Variants in CACNA1B observed in about 807,000 individuals in gnomAD.
CACNA1B encodes voltage-dependent N-type calcium channel subunit alpha-1B.
A neutral mutation model predicts 247.2 loss-of-function variants in CACNA1B; 70 were observed. The ratio of observed to expected loss-of-function variants is 0.28; its 90% confidence interval spans 0.23 to 0.35. The LOEUF is 0.35. CACNA1B is among the 10% of genes least tolerant of loss of function. CACNA1B has a pLI of 1.00. For missense variants in CACNA1B, 2,367 were observed against 3,197.4 expected, an observed-to-expected ratio of 0.74 and a Z score of 6.26; for synonymous variants, 1,231 against 1,294.4, an observed-to-expected ratio of 0.95 and a Z score of 1.05.
chr9:138,045,676 C>G (rs11137351), intron 21 of CACNA1B, among the ~76,000 whole-genome samples: 35,380 of 151,980 alleles, frequency 0.23, 4,334 homozygotes, highest in East Asian at 0.47. Context: ...GAGCTGGGGG[C>G]TAGAGCTGAG....
intron 3 of CACNA1B, among the ~76,000 whole-genome samples, chr9:137,911,941 C>T (rs1207127381): frequency 3.9e-5 from 6 of 152,030 alleles, no homozygotes; most frequent in African/African-American, 1.4e-4. Context: ...CTGGTGCGAT[C>T]CGCTGAGGGG....
At chr9:137,956,519 A>T (rs1957950121) in intron 8 of CACNA1B, among the ~76,000 whole-genome samples, 1 of 152,114 alleles carries the variant, frequency 6.6e-6, no homozygotes, top group Admixed American at 6.6e-5. Flanking sequence ...TTAGCCGGGC[A>T]TGGTAGCACG....
In CACNA1B at chr9:137,956,787, C is replaced by A. The variant is rs750745731; in HGVS notation, c.1203C>A (p.Ala401=). The change falls in exon 9 of 47, where the codon GCC becomes GCA. Residue 401 remains alanine (A), a synonymous_variant. Transcript: ENST00000371372. ...CCCTCGCAGAGGAAGTCATGCTGGC[C>A]GAGGAGGACAGGAATGCAGAGGAGA... is the stretch of plus-strand genomic sequence containing the variant. The part of the protein sequence containing the change: ...WIFKAEEVML[A]EEDRNAEEKS... 1.2e-6 allele frequency: 2 copies of A among 1,613,614 alleles called. No homozygotes were observed. Among genetic ancestry groups the A allele is most frequent in the Non-Finnish European group, 1.7e-6 (2 of 1,179,768 alleles).
chr9:137,923,717 A>G (rs1281165095), intron 6 of CACNA1B, among the ~76,000 whole-genome samples: 3 of 152,184 alleles, frequency 2.0e-5, no homozygotes, highest in African/African-American at 7.2e-5. Context: ...TTTTTTAAGA[A>G]ACCAAAGCTT....
chr9:137,928,183 C>T (rs907586519), intron 6 of CACNA1B, among the ~76,000 whole-genome samples: 16 of 152,098 alleles, frequency 1.1e-4, no homozygotes, highest in African/African-American at 2.7e-4. Context: ...CTGCAATCTC[C>T]GCCTCCAAGG....
At chr9:137,889,981 G>C (rs572913472) in intron 3 of CACNA1B, 1 of 149,388 alleles carries the variant, frequency 6.7e-6, no homozygotes, top group East Asian at 1.9e-4. Flanking sequence ...TCTGTGCGGG[G>C]TGAGGGTCCA....
rs1957382810 is a variant in CACNA1B, at chr9:137,913,797, T to C, written c.622+526T>C. ...CAGTGACCACCTGGACCCCTATTCC[T>C]TCAGCCCAGTGGAAGTCTGGTTTTA... On this transcript the variant is annotated intron_variant, in intron 4 of 46. Transcript: ENST00000371372. This position sits in a 1 kb window ranked among gnomAD's most constrained non-coding sequence, Gnocchi z 5.2. Among the ~76,000 whole-genome samples, 1 of 152,164 alleles carries C rather than the reference T, an allele frequency of 6.6e-6. No homozygotes were observed. Among genetic ancestry groups the C allele is most frequent in the South Asian group, 2.1e-4 (1 of 4,824 alleles).
intron 15 of CACNA1B, among the ~76,000 whole-genome samples, chr9:138,000,478 A>T (rs1053278647): frequency 2.0e-5 from 3 of 152,214 alleles, no homozygotes; most frequent in African/African-American, 7.2e-5. Context: ...ACATTTCATA[A>T]TTATAAAAGA....
chr9:137,948,440 G>C (rs763770876), intron 6 of CACNA1B, among the ~76,000 whole-genome samples: 14 of 151,968 alleles, frequency 9.2e-5, no homozygotes, highest in Non-Finnish European at 1.8e-4. Flanking sequence ...TTTTCTTACT[G>C]TTCACTGATT....
At chr9:137,901,280 G>A (rs1205239162) in intron 3 of CACNA1B, among the ~76,000 whole-genome samples, 1 of 150,856 alleles carries the variant, frequency 6.6e-6, no homozygotes, top group Non-Finnish European at 1.5e-5. Context: ...CTCTGTGTCT[G>A]TGTGTCCGTG....
chr9:138,078,878 A>G (rs1399818341), intron 36 of CACNA1B, among the ~76,000 whole-genome samples: 1 of 152,102 alleles, frequency 6.6e-6, no homozygotes. Flanking sequence ...CGAAGAGGAA[A>G]AAGCAGGCTG....
At position 137,971,379 on chromosome 9, in the gene CACNA1B, T is replaced by C. The variant is rs1412487557; in HGVS notation, c.1334-4T>C. The C allele has an allele frequency of 4.4e-6, 7 of 1,605,624 alleles. No homozygotes were observed. Among genetic ancestry groups the C allele is most frequent in the Non-Finnish European group, 6.0e-6 (7 of 1,175,960 alleles). On this transcript the variant is annotated splice_region_variant and splice_polypyrimidine_tract_variant and intron_variant, in intron 10 of 46. Coordinates refer to ENST00000371372, the MANE Select transcript of CACNA1B (RefSeq NM_000718.4). This position sits in a 1 kb window ranked among gnomAD's most constrained non-coding sequence, Gnocchi z 4.4. ...ACATCCTCAGTAACTCCCCATCCCC[T>C]CAGGATCCCCCTTCGCCCGCGCCAG...
At chr9:137,961,614 A>G (rs1958022007) in intron 10 of CACNA1B, among the ~76,000 whole-genome samples, 1 of 152,220 alleles carries the variant, frequency 6.6e-6, no homozygotes, top group Non-Finnish European at 1.5e-5. Flanking sequence ...TTCTGCATCT[A>G]TTGAGATAAT....
intron 10 of CACNA1B, among the ~76,000 whole-genome samples, chr9:137,968,644 C>T (rs550708485): frequency 6.0e-4 from 92 of 152,362 alleles, no homozygotes; most frequent in Admixed American, 1.7e-3. Flanking sequence ...TTATTGAGAA[C>T]AGGGATGGAT....
At chr9:137,892,773 G>A (rs141969678) in intron 3 of CACNA1B, among the ~76,000 whole-genome samples, 137 of 152,356 alleles carry the variant, frequency 9.0e-4, no homozygotes, top group African/African-American at 3.1e-3. Flanking sequence ...GGAGTACAGC[G>A]TGTGGGGAGG....
chr9:138,108,574 G>C (rs1415264830), intron 39 of CACNA1B, among the ~76,000 whole-genome samples: 3 of 151,978 alleles, frequency 2.0e-5, no homozygotes, highest in Admixed American at 1.3e-4. Flanking sequence ...GACATGACCA[G>C]AAAAGAAAAC....
rs116779797 is a variant in CACNA1B at position 137,979,920 on chromosome 9, A to C, written c.1656+3901A>C. Among the ~76,000 whole-genome samples, 115 of 152,342 alleles carry C rather than the reference A, an allele frequency of 7.5e-4. 1 individual carries two copies. Among genetic ancestry groups the C allele is most frequent in the African/African-American group, 2.7e-3 (113 of 41,582 alleles). On this transcript the variant is annotated intron_variant, in intron 12 of 46. Transcript: ENST00000371372. Reference sequence around the variant, plus strand: ...CCTGCTCAGCAAGGGGACACCAGGAAGCTGAGCCACTGGTCCATAGGGATT... The same window carrying C: ...CCTGCTCAGCAAGGGGACACCAGGACGCTGAGCCACTGGTCCATAGGGATT...
Position 138,057,598 on chromosome 9 carries a change from G to A in CACNA1B, c.3969-134G>A, listed in dbSNP as rs1564263918. Reference sequence around the variant, plus strand: ...GGTCACATTCATTCTTCTGCATGTGGACATCCAGTTTTCCCAGCACAGTCT... The same window carrying A: ...GGTCACATTCATTCTTCTGCATGTGAACATCCAGTTTTCCCAGCACAGTCT... On this transcript the variant is annotated intron_variant, in intron 26 of 46. Transcript: ENST00000371372. This position sits in a 1 kb window ranked among gnomAD's most constrained non-coding sequence, Gnocchi z 4.0. The A allele has an allele frequency of 4.0e-6, 3 of 750,780 alleles. No individual in the cohort carries two copies. Among genetic ancestry groups the A allele is most frequent in the African/African-American group, 1.8e-5 (1 of 56,678 alleles). 46.5% of individuals were successfully genotyped at this position (750,780 alleles called of 1,614,324 possible).
chr9:138,062,537 A>T (rs967275287), intron 31 of CACNA1B, among the ~76,000 whole-genome samples: 10 of 152,104 alleles, frequency 6.6e-5, no homozygotes. Context: ...GCACATCACT[A>T]TGGGGAGATG....
Sources: allele counts gnomAD v4.1 joint callset (sites outside exome capture counted in the v4.1 genomes callset), GRCh38; gene constraint gnomAD v4.1.1; non-coding constraint Gnocchi (gnomAD v3.1); transcripts MANE v1.5; gene names NCBI Gene and HGNC (gene_info 2026-07-23, HGNC 2026-07-21).